The following CCDC57 variants were observed in gnomAD, a reference collection of about 807,000 sequenced individuals.
CCDC57 encodes the protein coiled-coil domain containing 57.
CCDC57 carries 118 observed loss-of-function variants against 118.9 expected under a neutral mutation model. The ratio of observed to expected loss-of-function variants is 0.99; its 90% CI spans 0.86 to 1.16. The LOEUF is 1.16. Among genes scored for constraint, CCDC57 ranks in the 50% most tolerant of loss-of-function variants. The probability of loss-of-function intolerance (pLI) is 0.00; values close to 1 mark genes in which losing one functional copy is unlikely to be tolerated. For synonymous variants in CCDC57, 527 were observed against 532.9 expected (o/e 0.99, Z 0.15); for missense variants, 1,300 against 1,320.7 (o/e 0.98, Z 0.24).
chr17:82,148,480 G>A (rs1261268473), intron 16 of CCDC57, among the ~76,000 whole-genome samples: 1 of 91,394 alleles, frequency 1.1e-5, no homozygotes, highest in Non-Finnish European at 2.2e-5. Flanking sequence ...TGGGTGGGTG[G>A]GTGGATGGAT....
At chr17:82,134,866 G>C (rs1288602114) in intron 16 of CCDC57, among the ~76,000 whole-genome samples, 1 of 152,100 alleles carries the variant, frequency 6.6e-6, no homozygotes, top group African/African-American at 2.4e-5. Flanking sequence ...CAAAGCTTCG[G>C]CATGCTAGCT....
intron 15 of CCDC57, chr17:82,153,992 C>T (rs1384949618): frequency 6.6e-6 from 1 of 152,562 alleles, no homozygotes; most frequent in Non-Finnish European, 1.5e-5. Flanking sequence ...GCGCTCACCG[C>T]CCCACACAGC....
intron 19 of CCDC57, chr17:82,126,713 T>C: frequency 9.1e-6 from 9 of 985,440 alleles, no homozygotes; most frequent in Non-Finnish European, 1.1e-5. Flanking sequence ...GCGGGCAGCC[T>C]TGACTACGCA....
intron 16 of CCDC57, among the ~76,000 whole-genome samples, chr17:82,149,946 CAGAACCAGGTGCACACT>C (rs2041655517): frequency 7.8e-6 from 1 of 128,434 alleles, no homozygotes; most frequent in African/African-American, 3.0e-5. Context: ...GGCGCACATC[CAGAACCAGGTGCACACT>C]CAGAACCTGA....
intron 9 of CCDC57, among the ~76,000 whole-genome samples, chr17:82,180,785 A>G (rs1011689963): frequency 1.3e-5 from 2 of 152,236 alleles, no homozygotes; most frequent in African/African-American, 2.4e-5. Context: ...CCACAGATAC[A>G]TTTTTAAATC....
At chr17:82,200,001 G>C (rs1187403551) in intron 3 of CCDC57, among the ~76,000 whole-genome samples, 2 of 152,218 alleles carry the variant, frequency 1.3e-5, no homozygotes, top group African/African-American at 2.4e-5. Context: ...TCTGCTGCAG[G>C]GACTGCAGAC....
intron 17 of CCDC57, among the ~76,000 whole-genome samples, chr17:82,129,626 C>T (rs1037007079): frequency 3.3e-5 from 5 of 152,216 alleles, no homozygotes; most frequent in Admixed American, 6.5e-5. Flanking sequence ...CACTGCCCCC[C>T]GGGCTTCGTC....
At chr17:82,201,486 T>TG in intron 3 of CCDC57, 52 bp downstream of exon 2, 1 of 1,494,686 alleles carries the variant, frequency 6.7e-7, no homozygotes, top group Non-Finnish European at 8.9e-7. Flanking sequence ...AGGAGGCATG[T>TG]GGGGGCCTCT....
At chr17:82,176,936 C>T (rs777460076) in intron 11 of CCDC57, among the ~76,000 whole-genome samples, 2 of 151,898 alleles carry the variant, frequency 1.3e-5, no homozygotes, top group Non-Finnish European at 2.9e-5. Flanking sequence ...TTGGCATTTG[C>T]CTTGGCTAAA....
intron 16 of CCDC57, among the ~76,000 whole-genome samples, chr17:82,140,850 G>T (rs1312846220): frequency 1.3e-5 from 2 of 152,150 alleles, no homozygotes; most frequent in African/African-American, 4.8e-5. Flanking sequence ...TTGCCTGGCA[G>T]GCCCAGGAAC....
At chr17:82,149,518 C>T (rs964077898) in intron 16 of CCDC57, among the ~76,000 whole-genome samples, 2 of 152,122 alleles carry the variant, frequency 1.3e-5, no homozygotes, top group Non-Finnish European at 2.9e-5. Context: ...CAGAGCCGCA[C>T]AGAAATGCCG....
intron 17 of CCDC57, among the ~76,000 whole-genome samples, chr17:82,130,228 C>G (rs552319322): frequency 6.6e-6 from 1 of 151,946 alleles, no homozygotes; most frequent in East Asian, 2.0e-4. Context: ...CAGTCTTGCT[C>G]TGTTGCCCAG....
intron 2 of CCDC57, among the ~76,000 whole-genome samples, chr17:82,205,426 C>T (rs1432616864): frequency 1.3e-5 from 2 of 152,178 alleles, no homozygotes; most frequent in Admixed American, 1.3e-4. Context: ...CCCGCGACTC[C>T]TGACCATTTT....
chr17:82,157,820 G>C (rs1203989595), exon 15 of CCDC57: 1 of 1,604,744 alleles, frequency 6.2e-7, no homozygotes, highest in Non-Finnish European at 8.5e-7. Context: ...CCCCGTGCTG[G>C]GCTATCCTGA....
chr17:82,102,062 C>T (rs910715606), intron 19 of CCDC57, among the ~76,000 whole-genome samples, 196 bp from the exon 19 acceptor site: 2 of 152,226 alleles, frequency 1.3e-5, no homozygotes, highest in African/African-American at 4.8e-5. Context: ...GTGGCCTCGC[C>T]TTGCTCAGTG....
chr17:82,104,267 A>G (rs1227616192), intron 19 of CCDC57, among the ~76,000 whole-genome samples: 1 of 152,226 alleles, frequency 6.6e-6, no homozygotes, highest in East Asian at 1.9e-4. Flanking sequence ...CCATGTGGAC[A>G]CACAGTTTGC....
At chr17:82,193,906 T>C in intron 6 of CCDC57, 76 bp from the exon 6 acceptor site, 5 of 1,570,902 alleles carry the variant, frequency 3.2e-6, no homozygotes, top group South Asian at 1.1e-5. Flanking sequence ...GCAGAAAAGG[T>C]AGAATCCCCC....
chr17:82,126,956 C>T, intron 19 of CCDC57: 1 of 985,434 alleles, frequency 1.0e-6, no homozygotes. Flanking sequence ...GCCCCAACCA[C>T]ATCACACGTC....
chr17:82,181,878 G>A (rs940844255), intron 9 of CCDC57, among the ~76,000 whole-genome samples: 1 of 152,202 alleles, frequency 6.6e-6, no homozygotes, highest in Non-Finnish European at 1.5e-5. Flanking sequence ...AGCACTTTGG[G>A]AGGCCAAGGC....
Sources: gnomAD v4.1 joint callset for allele counts (sites outside exome capture counted in the v4.1 genomes callset) on GRCh38, gnomAD v4.1.1 for gene constraint, MANE v1.5 for transcripts, NCBI Gene and HGNC (gene_info 2026-07-23, HGNC 2026-07-21) for gene names.